The following XRCC4 variants were observed in gnomAD, a reference collection of about 807,000 sequenced individuals.
XRCC4 encodes the protein DNA repair protein XRCC4.
In XRCC4, 28 loss-of-function variants were observed where a neutral mutation model predicts 39.1. The ratio of observed to expected loss-of-function variants is 0.72; its 90% CI spans 0.53 to 0.98. The LOEUF (loss-of-function observed/expected upper bound fraction) is 0.98. Among genes scored for constraint, XRCC4 ranks in the 50% least tolerant of loss-of-function variants. XRCC4 has a pLI of 0.00. For synonymous variants in XRCC4, 123 were observed against 126.4 expected (o/e 0.97, Z 0.18); for missense variants, 350 against 376.4 (o/e 0.93, Z 0.58).
At chr5:83,275,449 T>C (rs1378381514) in intron 7 of XRCC4, among the ~76,000 whole-genome samples, 15 of 151,544 alleles carry the variant, frequency 9.9e-5, no homozygotes, top group African/African-American at 3.2e-4. Context: ...CGCCCGCCAC[T>C]ACGCCCGGCT....
chr5:83,347,716 A>G (rs1373268564), intron 7 of XRCC4, among the ~76,000 whole-genome samples: 3 of 152,102 alleles, frequency 2.0e-5, no homozygotes, highest in Non-Finnish European at 4.4e-5. Context: ...ATTTCAAAAC[A>G]TGATCATGCA....
intron 3 of XRCC4, among the ~76,000 whole-genome samples, chr5:83,164,080 GA>G (rs1189505689): frequency 1.3e-5 from 2 of 152,050 alleles, no homozygotes; most frequent in African/African-American, 4.8e-5. Context: ...AAACCTATTG[GA>G]TGTTAACTTG....
At position 83,101,158 on chromosome 5, in the gene XRCC4, T is replaced by C. The variant is rs191005953; in HGVS notation, c.-10-3752T>C. 5.3e-5 allele frequency among the ~76,000 whole-genome samples: 8 copies of C among 152,254 alleles called. No homozygotes were observed. The East Asian group carries it at 1.5e-3, about 29-fold the overall frequency. ...CTATGTGATTAAATAATAGTTGTAATGTTTTCATGTTGGAAGTTTGTGCTT... is the reference window on the plus strand; with the variant it reads ...CTATGTGATTAAATAATAGTTGTAACGTTTTCATGTTGGAAGTTTGTGCTT... On this transcript the variant is annotated intron_variant, in intron 1 of 7. Coordinates refer to ENST00000396027, the MANE Select transcript of XRCC4 (RefSeq NM_003401.5).
At position 83,327,529 on chromosome 5, in the gene XRCC4, G is replaced by A. The variant is rs557780064; in HGVS notation, c.894-25602G>A. ...CTTATACAAAAAGGTAACTATATGGGGTGACAGTTATGTTAATTAGCTTGA... is the reference window on the plus strand; with the variant it reads ...CTTATACAAAAAGGTAACTATATGGAGTGACAGTTATGTTAATTAGCTTGA... On this transcript the variant is annotated intron_variant, in intron 7 of 7. Transcript: ENST00000396027. Among the ~76,000 whole-genome samples the A allele has an allele frequency of 1.1e-4, 16 of 151,734 alleles. No individual in the cohort carries two copies. The South Asian group carries it at 3.3e-3, about 32-fold the overall frequency.
intron 7 of XRCC4, among the ~76,000 whole-genome samples, chr5:83,306,454 C>G (rs1755490888): frequency 6.6e-6 from 1 of 151,026 alleles, no homozygotes; most frequent in Non-Finnish European, 1.5e-5. Context: ...TAAAATAGGG[C>G]AAAACAATAG....
chr5:83,246,456 TTTTAG>T (rs1244199190), intron 6 of XRCC4, among the ~76,000 whole-genome samples: 1 of 152,148 alleles, frequency 6.6e-6, no homozygotes. Context: ...TCTGGCAACA[TTTTAG>T]TCTGTTACTT....
At chr5:83,303,673 T>C (rs1476089998) in intron 7 of XRCC4, among the ~76,000 whole-genome samples, 1 of 152,134 alleles carries the variant, frequency 6.6e-6, no homozygotes, top group African/African-American at 2.4e-5. Flanking sequence ...CTGTATAATG[T>C]AGTAAAAAAT....
chr5:83,194,605 C>G (rs1262018312), intron 3 of XRCC4, among the ~76,000 whole-genome samples: 1 of 152,076 alleles, frequency 6.6e-6, no homozygotes, highest in Non-Finnish European at 1.5e-5. Context: ...ATATTCTTAT[C>G]AGATAAATGG....
At chr5:83,250,902 G>A in intron 6 of XRCC4, among the ~76,000 whole-genome samples, 1 of 152,212 alleles carries the variant, frequency 6.6e-6, no homozygotes, top group East Asian at 1.9e-4. Flanking sequence ...GGGAAATGTA[G>A]TAAACAGCTG....
intron 3 of XRCC4, among the ~76,000 whole-genome samples, chr5:83,112,655 A>G (rs1382023438): frequency 6.6e-6 from 1 of 152,320 alleles, no homozygotes; most frequent in Non-Finnish European, 1.5e-5. Context: ...TCACAGTTCC[A>G]TATGGCTGGG....
chr5:83,150,888 TGATA>T (rs1337197275), intron 3 of XRCC4, among the ~76,000 whole-genome samples: 9 of 152,138 alleles, frequency 5.9e-5, no homozygotes, highest in South Asian at 2.1e-4. Context: ...ATATTGTAAT[TGATA>T]GATAGATACC....
chr5:83,240,011 A>G (rs1752843490), intron 6 of XRCC4, among the ~76,000 whole-genome samples: 1 of 151,822 alleles, frequency 6.6e-6, no homozygotes, highest in South Asian at 2.1e-4. Flanking sequence ...AAAAAAAACA[A>G]AAACAAAAAC....
rs1003430502 is a variant in XRCC4, at chr5:83,123,599, A to G, written c.315+12396A>G. Among the ~76,000 whole-genome samples, 5 of 151,564 alleles carry G rather than the reference A, an allele frequency of 3.3e-5. 1 individual carries two copies. In the South Asian group the frequency reaches 1.0e-3, roughly 31 times the overall value. On this transcript the variant is annotated intron_variant, in intron 3 of 7. Transcript: ENST00000396027. ...TACTATCTCTGTTTGTTCCATCTTTATTTTATTTACTTGTTCCTCTCTGTT... is the reference window on the plus strand; with the variant it reads ...TACTATCTCTGTTTGTTCCATCTTTGTTTTATTTACTTGTTCCTCTCTGTT...
chr5:83,339,783 T>C (rs2112196226), intron 7 of XRCC4, among the ~76,000 whole-genome samples: 1 of 152,340 alleles, frequency 6.6e-6, no homozygotes, highest in East Asian at 1.9e-4. Context: ...ATGATGGTTC[T>C]TTAACAACCA....
intron 7 of XRCC4, among the ~76,000 whole-genome samples, chr5:83,302,216 A>T (rs2112047150): frequency 6.6e-6 from 1 of 151,902 alleles, no homozygotes; most frequent in Middle Eastern, 3.4e-3. Context: ...AGGGAAGTGA[A>T]TGATTCTGTC....
At chr5:83,338,754 T>A (rs1756666910) in intron 7 of XRCC4, among the ~76,000 whole-genome samples, 1 of 152,160 alleles carries the variant, frequency 6.6e-6, no homozygotes, top group Non-Finnish European at 1.5e-5. Context: ...ATTTGTGTAA[T>A]CATAAAGATT....
At chr5:83,285,875 C>G (rs558195900) in intron 7 of XRCC4, among the ~76,000 whole-genome samples, 4 of 152,200 alleles carry the variant, frequency 2.6e-5, no homozygotes, top group African/African-American at 9.6e-5. Flanking sequence ...GTCACTTCAC[C>G]CTCCTGGAAT....
chr5:83,258,304 T>C (rs1205520191), intron 6 of XRCC4, among the ~76,000 whole-genome samples: 1 of 152,184 alleles, frequency 6.6e-6, no homozygotes, highest in African/African-American at 2.4e-5. Flanking sequence ...AAGATCATTT[T>C]GATCAAATTA....
At chr5:83,283,841 A>G (rs768619249) in intron 7 of XRCC4, among the ~76,000 whole-genome samples, 1 of 152,024 alleles carries the variant, frequency 6.6e-6, no homozygotes, top group Non-Finnish European at 1.5e-5. Context: ...CCCCAAAGTA[A>G]TGGATCTGTG....
Sources: allele counts gnomAD v4.1 joint callset (sites outside exome capture counted in the v4.1 genomes callset), GRCh38; gene constraint gnomAD v4.1.1; transcripts MANE v1.5; gene names NCBI Gene and HGNC (gene_info 2026-07-23, HGNC 2026-07-21).